Variants in SPSB4 observed in about 807,000 individuals in gnomAD.
The protein encoded by SPSB4 is SPRY domain-containing SOCS box protein 4.
Under a neutral mutation model 20.9 loss-of-function variants are expected in SPSB4, and 21 were observed. The ratio of observed to expected loss-of-function variants is 1.01; its 90% CI spans 0.71 to 1.45. The LOEUF (loss-of-function observed/expected upper bound fraction) is 1.45. SPSB4 is among the 40% of genes most tolerant of loss of function. SPSB4 has a pLI of 0.00. For synonymous variants in SPSB4, 207 were observed against 183.8 expected (o/e 1.13, Z -1.02); for missense variants, 399 against 399.2 (o/e 1.00, Z 0.00).
At chr3:141,112,877 C>T (rs1159384368) in intron 2 of SPSB4, among the ~76,000 whole-genome samples, 3 of 152,002 alleles carry the variant, frequency 2.0e-5, no homozygotes, top group South Asian at 2.1e-4. Context: ...CAGCAAGTGG[C>T]CCAAGTAGAG....
chr3:141,053,734 G>C (rs1936134710), intron 1 of SPSB4, among the ~76,000 whole-genome samples: 2 of 151,062 alleles, frequency 1.3e-5, no homozygotes, highest in African/African-American at 4.9e-5. Context: ...AAAATTACAA[G>C]ATTTTTTTTT....
chr3:141,065,032 CT>C (rs993980534), intron 1 of SPSB4, among the ~76,000 whole-genome samples: 1 of 152,156 alleles, frequency 6.6e-6, no homozygotes, highest in Non-Finnish European at 1.5e-5. Flanking sequence ...TTCCAGGACC[CT>C]TTATATTATG....
chr3:141,058,423 A>C (rs2107775230), intron 1 of SPSB4, among the ~76,000 whole-genome samples: 1 of 152,300 alleles, frequency 6.6e-6, no homozygotes, highest in South Asian at 2.1e-4. Context: ...TCCAAGCATG[A>C]CGTAGGAAAT....
At chr3:141,129,606 C>T (rs534170815) in intron 2 of SPSB4, among the ~76,000 whole-genome samples, 2 of 152,302 alleles carry the variant, frequency 1.3e-5, no homozygotes, top group East Asian at 1.9e-4. Flanking sequence ...CACACATGAG[C>T]GAATCTTCTG....
intron 1 of SPSB4, among the ~76,000 whole-genome samples, chr3:141,061,241 A>C (rs964039659): frequency 2.6e-5 from 4 of 152,190 alleles, no homozygotes; most frequent in Admixed American, 2.6e-4. Flanking sequence ...GGCCCATTAT[A>C]CCAATTTTTA....
intron 2 of SPSB4, among the ~76,000 whole-genome samples, chr3:141,120,961 T>C (rs1465091599): frequency 6.6e-6 from 1 of 151,456 alleles, no homozygotes; most frequent in Admixed American, 6.6e-5. Flanking sequence ...ATTATGATGT[T>C]AGCTGGCTAT....
intron 2 of SPSB4, among the ~76,000 whole-genome samples, chr3:141,081,871 T>C (rs928435895): frequency 2.6e-5 from 4 of 152,200 alleles, no homozygotes; most frequent in African/African-American, 9.7e-5. Flanking sequence ...CTACTTCATA[T>C]GGCACTATTA....
intron 2 of SPSB4, among the ~76,000 whole-genome samples, chr3:141,137,206 C>G (rs138984333): frequency 9.8e-4 from 149 of 152,238 alleles, no homozygotes; most frequent in African/African-American, 3.2e-3. Flanking sequence ...CTGAGACTTT[C>G]CTGAAGTTTC....
chr3:141,147,129 CCT>C lies in SPSB4; in HGVS notation c.695-9_695-8del. 1 of 1,613,690 alleles carries C rather than the reference CCT, an allele frequency of 6.2e-7. No homozygotes were observed. The highest frequency in any genetic ancestry group is 8.5e-7 in the Non-Finnish European group (1 of 1,179,986). ...GCACAGGGCACACTCTAACTGCTTC[CCT>C]CTCATTGCAGCCGAGCCCCTGCCAC... is the stretch of plus-strand genomic sequence containing the variant. On this transcript the variant is annotated splice_polypyrimidine_tract_variant and intron_variant, in intron 2 of 2. Transcript: ENST00000310546.
At chr3:141,090,659 C>T (rs761658268) in intron 2 of SPSB4, among the ~76,000 whole-genome samples, 4 of 152,158 alleles carry the variant, frequency 2.6e-5, no homozygotes, top group Admixed American at 1.3e-4. Context: ...AGAGCGAAAC[C>T]GGGCACAGAG....
intron 2 of SPSB4, among the ~76,000 whole-genome samples, chr3:141,113,638 T>C (rs1226444403): frequency 6.6e-6 from 1 of 151,918 alleles, no homozygotes; most frequent in Non-Finnish European, 1.5e-5. Context: ...AGACAGAGGG[T>C]AGATTAGTGG....
intron 2 of SPSB4, chr3:141,132,070 A>G: frequency 4.7e-6 from 1 of 211,294 alleles, no homozygotes; most frequent in Non-Finnish European, 9.8e-6. Flanking sequence ...AAAAGTCTTT[A>G]GTGGTGATTT....
At chr3:141,069,094 G>A (rs1258241281) in intron 2 of SPSB4, among the ~76,000 whole-genome samples, 2 of 152,196 alleles carry the variant, frequency 1.3e-5, no homozygotes, top group Non-Finnish European at 2.9e-5. Flanking sequence ...CAGGCCTGGG[G>A]CATCTTCCAT....
chr3:141,072,810 GC>G (rs1184683154), intron 2 of SPSB4, among the ~76,000 whole-genome samples: 1 of 152,070 alleles, frequency 6.6e-6, no homozygotes, highest in South Asian at 2.1e-4. Context: ...GTGTATCTCG[GC>G]CCCCCATCCG....
At chr3:141,123,441 T>C (rs1377582423) in intron 2 of SPSB4, among the ~76,000 whole-genome samples, 2 of 152,268 alleles carry the variant, frequency 1.3e-5, no homozygotes, top group Non-Finnish European at 2.9e-5. Flanking sequence ...ATGCCTTGTT[T>C]CATTTTAGTT....
intron 2 of SPSB4, among the ~76,000 whole-genome samples, chr3:141,076,738 T>C (rs889473584): frequency 6.6e-6 from 1 of 152,204 alleles, no homozygotes; most frequent in Admixed American, 6.5e-5. Flanking sequence ...AGGGTCACGT[T>C]GAGTCTTCAG....
intron 2 of SPSB4, among the ~76,000 whole-genome samples, chr3:141,068,751 C>T (rs190000995): frequency 3.3e-5 from 5 of 152,330 alleles, no homozygotes; most frequent in Non-Finnish European, 1.5e-5. Flanking sequence ...GAGTTACACT[C>T]CTGTTGTAGG....
chr3:141,116,370 G>A (rs191221552), intron 2 of SPSB4, among the ~76,000 whole-genome samples: 2 of 152,356 alleles, frequency 1.3e-5, no homozygotes, highest in Non-Finnish European at 2.9e-5. Context: ...CCCTCACTCT[G>A]GCTGAGCTTG....
At chr3:141,096,951 G>A (rs1275974620) in intron 2 of SPSB4, among the ~76,000 whole-genome samples, 1 of 152,162 alleles carries the variant, frequency 6.6e-6, no homozygotes, top group African/African-American at 2.4e-5. Flanking sequence ...TGGCATCCTG[G>A]TCAGCTGAAT....
Sources: gnomAD v4.1 joint callset for allele counts (sites outside exome capture counted in the v4.1 genomes callset) on GRCh38, gnomAD v4.1.1 for gene constraint, MANE v1.5 for transcripts, NCBI Gene and HGNC (gene_info 2026-07-23, HGNC 2026-07-21) for gene names.